The following WDR72 variants were observed in gnomAD, a reference collection of about 807,000 sequenced individuals.
The protein encoded by WDR72 is WD repeat domain 72.
A neutral mutation model predicts 124.2 loss-of-function variants in WDR72; 120 were observed. That is an observed-to-expected ratio of 0.97 (90% CI 0.83 to 1.12). The LOEUF is 1.12. WDR72 is among the 50% of genes most tolerant of loss of function. The pLI is 0.00. For synonymous variants in WDR72, 452 were observed against 441.7 expected (o/e 1.02, Z -0.29); for missense variants, 1,387 against 1,278.8 (o/e 1.08, Z -1.29).
intron 18 of WDR72, among the ~76,000 whole-genome samples, chr15:53,540,094 A>C (rs1183491839): frequency 1.2e-4 from 19 of 152,222 alleles, no homozygotes; most frequent in Admixed American, 1.2e-3. Flanking sequence ...TTCAATGACT[A>C]ATATATGTGT....
chr15:53,518,081 A>C (rs1595720834), intron 19 of WDR72, among the ~76,000 whole-genome samples: 1 of 152,048 alleles, frequency 6.6e-6, no homozygotes, highest in Admixed American at 6.6e-5. Context: ...TATAAGAAAA[A>C]TTTAGTTTGA....
chr15:53,605,108 A>C (rs2013219419), intron 17 of WDR72, among the ~76,000 whole-genome samples: 1 of 152,232 alleles, frequency 6.6e-6, no homozygotes, highest in Non-Finnish European at 1.5e-5. Flanking sequence ...TCAATGGTAG[A>C]CTGGATAAAG....
At chr15:53,664,559 A>C (rs1247789774) in intron 14 of WDR72, among the ~76,000 whole-genome samples, 1 of 151,610 alleles carries the variant, frequency 6.6e-6, no homozygotes, top group East Asian at 1.9e-4. Context: ...ATAAGGTCTT[A>C]TTCTAAGTCC....
intron 18 of WDR72, among the ~76,000 whole-genome samples, chr15:53,568,559 A>G (rs1376040647): frequency 6.6e-6 from 1 of 152,046 alleles, no homozygotes; most frequent in Non-Finnish European, 1.5e-5. Flanking sequence ...TGGCTTCTGT[A>G]ACGATCCCAA....
At chr15:53,636,822 T>A (rs900616036) in intron 14 of WDR72, among the ~76,000 whole-genome samples, 2 of 152,202 alleles carry the variant, frequency 1.3e-5, no homozygotes, top group Non-Finnish European at 2.9e-5. Context: ...ACCCAGGTCA[T>A]TCTAATTCCA....
intron 1 of WDR72, among the ~76,000 whole-genome samples, chr15:53,752,229 C>T (rs924711114): frequency 1.3e-5 from 2 of 152,156 alleles, no homozygotes; most frequent in Admixed American, 6.5e-5. Flanking sequence ...GCCACATTCT[C>T]ATCTAATATG....
intron 2 of WDR72, among the ~76,000 whole-genome samples, chr15:53,724,344 C>T (rs2447046): frequency 0.75 from 113,148 of 150,450 alleles, 42,423 homozygotes; most frequent in Middle Eastern, 0.81. Context: ...GATGTGTTAA[C>T]TAATTTGATT....
At chr15:53,745,276 G>A (rs2018616745) in intron 1 of WDR72, among the ~76,000 whole-genome samples, 1 of 152,156 alleles carries the variant, frequency 6.6e-6, no homozygotes, top group Admixed American at 6.5e-5. Flanking sequence ...GACTGGATGA[G>A]GCAATGAATC....
chr15:53,692,309 A>G (rs1451343822), intron 13 of WDR72, among the ~76,000 whole-genome samples: 2 of 152,344 alleles, frequency 1.3e-5, no homozygotes, highest in East Asian at 3.9e-4. Context: ...TGTCCTTCAC[A>G]GTGGTATGCA....
At chr15:53,538,745 C>T (rs1209718531) in intron 18 of WDR72, among the ~76,000 whole-genome samples, 4 of 152,020 alleles carry the variant, frequency 2.6e-5, no homozygotes, top group Non-Finnish European at 4.4e-5. Flanking sequence ...TACTGCTACC[C>T]GCCCTGGCTC....
At chr15:53,675,337 G>A (rs1488410012) in intron 13 of WDR72, among the ~76,000 whole-genome samples, 1 of 96,634 alleles carries the variant, frequency 1.0e-5, no homozygotes, top group African/African-American at 5.1e-5. Context: ...GTGAGACTCT[G>A]TCTCAAAAAA....
At chr15:53,740,521 C>A (rs994664613) in intron 1 of WDR72, among the ~76,000 whole-genome samples, 1 of 152,094 alleles carries the variant, frequency 6.6e-6, no homozygotes, top group Non-Finnish European at 1.5e-5. Flanking sequence ...TGGTCTCAAT[C>A]TCCTGACCTC....
chr15:53,741,647 A>G (rs1231884862), intron 1 of WDR72, among the ~76,000 whole-genome samples: 1 of 152,182 alleles, frequency 6.6e-6, no homozygotes, highest in Admixed American at 6.5e-5. Flanking sequence ...AAACTCCCAT[A>G]GGATTTAGAG....
intron 18 of WDR72, among the ~76,000 whole-genome samples, chr15:53,532,799 A>G (rs1892555081): frequency 1.3e-5 from 2 of 152,116 alleles, no homozygotes; most frequent in African/African-American, 4.8e-5. Flanking sequence ...CCTAACACAA[A>G]GAAATAATAA....
chr15:53,721,920 C>T (rs914169210), intron 3 of WDR72, among the ~76,000 whole-genome samples: 6 of 152,218 alleles, frequency 3.9e-5, no homozygotes, highest in African/African-American at 1.4e-4. Flanking sequence ...GCAAGCTTTG[C>T]TCCCGTGACA....
At position 53,715,383 on chromosome 15, in the gene WDR72, G is replaced by A. The variant is rs201127666; in HGVS notation, c.340-16C>T. ...AGTGGTAATACTACGTACATGGAAA[G>A]CAAAGCAAACATTTAATTATCACTA... On this transcript the variant is annotated splice_polypyrimidine_tract_variant and intron_variant, in intron 4 of 19. Coordinates refer to ENST00000360509, the MANE Select transcript of WDR72 (RefSeq NM_182758.4). 1.2e-6 allele frequency: 2 copies of A among 1,613,864 alleles called. No homozygotes were observed.
chr15:53,624,668 A>G (rs888121823), intron 14 of WDR72, among the ~76,000 whole-genome samples: 5 of 152,206 alleles, frequency 3.3e-5, no homozygotes, highest in African/African-American at 1.2e-4. Flanking sequence ...TGTTATTCCA[A>G]ATTTAATTAA....
Position 53,629,258 on chromosome 15 carries a change from C to T in WDR72, c.1963-13015G>A, listed in dbSNP as rs185272300. Among the ~76,000 whole-genome samples, 31 of 151,448 alleles carry T rather than the reference C, an allele frequency of 2.0e-4. No individual in the cohort carries two copies. The East Asian group carries it at 6.0e-3, about 29-fold the overall frequency. On this transcript the variant is annotated intron_variant, in intron 14 of 19. Coordinates refer to ENST00000360509, the MANE Select transcript of WDR72 (RefSeq NM_182758.4). ...ATAAAATACAGCAAAACAAAAAACC[C>T]AAGAGAAAAAATTTTTCTCTAGAAA...
chr15:53,553,336 A>G (rs1202903140), intron 18 of WDR72, among the ~76,000 whole-genome samples: 1 of 152,148 alleles, frequency 6.6e-6, no homozygotes, highest in African/African-American at 2.4e-5. Context: ...ACAGATGCAG[A>G]CACACACACC....
Sources: allele counts gnomAD v4.1 joint callset (sites outside exome capture counted in the v4.1 genomes callset), GRCh38; gene constraint gnomAD v4.1.1; transcripts MANE v1.5; gene names NCBI Gene and HGNC (gene_info 2026-07-23, HGNC 2026-07-21).